The following DLG2 variants were observed in gnomAD, a reference collection of about 807,000 sequenced individuals.
DLG2 encodes the protein discs large MAGUK scaffold protein 2.
Under a neutral mutation model 132.5 loss-of-function variants are expected in DLG2, and 45 were observed. The ratio of observed to expected loss-of-function variants is 0.34; its 90% CI spans 0.27 to 0.44. DLG2 has a LOEUF of 0.44. Ranked by LOEUF, DLG2 falls within the 20% of genes least tolerant of loss-of-function variation. The pLI is 1.00. For missense variants in DLG2, 1,045 were observed against 1,196.9 expected (o/e 0.87, Z 1.87); for synonymous variants, 424 against 419.6 (o/e 1.01, Z -0.13).
chr11:85,275,303 G>A (rs898169739), intron 4 of DLG2, among the ~76,000 whole-genome samples: 1 of 151,992 alleles, frequency 6.6e-6, no homozygotes, highest in African/African-American at 2.4e-5. Context: ...TTATATTCAT[G>A]AATTTATTTT....
At chr11:83,849,347 TA>T (rs1247082113) in intron 16 of DLG2, among the ~76,000 whole-genome samples, 1 of 149,168 alleles carries the variant, frequency 6.7e-6, no homozygotes, top group Non-Finnish European at 1.5e-5. Context: ...AATAAACAAA[TA>T]AAAAATTGCA....
At chr11:84,374,578 C>G (rs1036697311) in intron 7 of DLG2, among the ~76,000 whole-genome samples, 1 of 152,022 alleles carries the variant, frequency 6.6e-6, no homozygotes. Context: ...CCAGGGAGAC[C>G]AAAAGATTGG....
intron 7 of DLG2, among the ~76,000 whole-genome samples, chr11:84,279,209 T>C (rs988487178): frequency 2.6e-5 from 4 of 152,112 alleles, no homozygotes; most frequent in Admixed American, 6.5e-5. Flanking sequence ...AAAAAACATA[T>C]GAAAAAAGCT....
intron 6 of DLG2, among the ~76,000 whole-genome samples, chr11:84,988,661 C>A (rs920703139): frequency 6.6e-6 from 1 of 152,120 alleles, no homozygotes; most frequent in Admixed American, 6.5e-5. Context: ...TAAGTGGGAC[C>A]TAAGCTATGA....
chr11:85,195,354 C>A (rs1037363389), intron 4 of DLG2, among the ~76,000 whole-genome samples: 5 of 151,968 alleles, frequency 3.3e-5, no homozygotes. Flanking sequence ...GACACATTAA[C>A]CTCCCCACTG....
At chr11:84,128,134 G>A (rs2094260726) in intron 9 of DLG2, among the ~76,000 whole-genome samples, 1 of 152,134 alleles carries the variant, frequency 6.6e-6, no homozygotes, top group Non-Finnish European at 1.5e-5. Flanking sequence ...AAATAAGTGT[G>A]GAATGAATGG....
At chr11:85,314,990 G>A (rs149468970) in intron 3 of DLG2, among the ~76,000 whole-genome samples, 1 of 152,110 alleles carries the variant, frequency 6.6e-6, no homozygotes, top group Non-Finnish European at 1.5e-5. Flanking sequence ...CCTGGAAAGT[G>A]AGAGGCAACT....
At chr11:84,177,144 C>G (rs1160748114) in intron 8 of DLG2, among the ~76,000 whole-genome samples, 2 of 152,060 alleles carry the variant, frequency 1.3e-5, no homozygotes, top group Non-Finnish European at 2.9e-5. Context: ...AAATTCAAAT[C>G]ATGTTTTCAT....
At chr11:85,447,769 G>T (rs1012821238) in intron 3 of DLG2, among the ~76,000 whole-genome samples, 2 of 151,848 alleles carry the variant, frequency 1.3e-5, no homozygotes, top group Non-Finnish European at 1.5e-5. Flanking sequence ...ATTATGAAAA[G>T]GTCAAATCCC....
chr11:84,418,686 A>G (rs982171243), intron 7 of DLG2, among the ~76,000 whole-genome samples: 5 of 152,096 alleles, frequency 3.3e-5, no homozygotes, highest in East Asian at 1.9e-4. Flanking sequence ...GCTTTCCCCA[A>G]TCTGGTCCTA....
intron 6 of DLG2, among the ~76,000 whole-genome samples, chr11:84,647,318 G>C (rs2099676176): frequency 6.6e-6 from 1 of 151,998 alleles, no homozygotes; most frequent in African/African-American, 2.4e-5. Flanking sequence ...GCCTTCTCTA[G>C]ACCTATCGTT....
chr11:85,289,622 C>T (rs746311981), intron 3 of DLG2, among the ~76,000 whole-genome samples: 2 of 152,248 alleles, frequency 1.3e-5, no homozygotes, highest in East Asian at 3.9e-4. Flanking sequence ...TTAAAACATA[C>T]GCCTATGCTT....
At chr11:83,805,097 C>A (rs571363862) in intron 17 of DLG2, among the ~76,000 whole-genome samples, 1 of 152,030 alleles carries the variant, frequency 6.6e-6, no homozygotes, top group Non-Finnish European at 1.5e-5. Flanking sequence ...GCAGGAAGCT[C>A]AAAATACATG....
intron 9 of DLG2, among the ~76,000 whole-genome samples, chr11:84,104,033 A>G (rs948016812): frequency 2.6e-5 from 4 of 152,276 alleles, no homozygotes; most frequent in African/African-American, 9.6e-5. Context: ...TTATTTTTCT[A>G]GTGTTAAAAA....
intron 6 of DLG2, among the ~76,000 whole-genome samples, chr11:84,902,981 G>A (rs1372480924): frequency 1.3e-5 from 2 of 151,908 alleles, no homozygotes; most frequent in African/African-American, 2.4e-5. Flanking sequence ...ATTTTCATAG[G>A]TCAAGCCTTT....
intron 8 of DLG2, among the ~76,000 whole-genome samples, chr11:84,196,211 A>G (rs2096513739): frequency 6.6e-6 from 1 of 152,212 alleles, no homozygotes; most frequent in South Asian, 2.1e-4. Context: ...TTACTTTTAT[A>G]TCTCATCTGG....
intron 3 of DLG2, among the ~76,000 whole-genome samples, chr11:85,531,798 G>T (rs1001896716): frequency 1.3e-5 from 2 of 152,106 alleles, no homozygotes; most frequent in African/African-American, 4.8e-5. Context: ...TTCTTACCCT[G>T]GAGTTCATAG....
chr11:85,495,373 A>C (rs1180970545), intron 3 of DLG2, among the ~76,000 whole-genome samples: 1 of 152,138 alleles, frequency 6.6e-6, no homozygotes, highest in Non-Finnish European at 1.5e-5. Flanking sequence ...AAAATTTCTG[A>C]AATCTATCCA....
intron 18 of DLG2, among the ~76,000 whole-genome samples, chr11:83,784,943 C>T (rs1049141961): frequency 1.3e-5 from 2 of 152,116 alleles, no homozygotes; most frequent in African/African-American, 2.4e-5. Context: ...CTGAAAAAAA[C>T]AGCTATTAAG....
Sources: allele counts gnomAD v4.1 joint callset (sites outside exome capture counted in the v4.1 genomes callset), GRCh38; gene constraint gnomAD v4.1.1; transcripts MANE v1.5; gene names NCBI Gene and HGNC (gene_info 2026-07-23, HGNC 2026-07-21).